The following RNF207 variants were observed in gnomAD, a reference collection of about 807,000 sequenced individuals.
The protein encoded by RNF207 is OTTHUMG00000001089.
RNF207 carries 72 observed loss-of-function variants against 79.0 expected under a neutral mutation model. That is an observed-to-expected ratio of 0.91 (90% CI 0.75 to 1.11). RNF207 has a LOEUF of 1.11. Among genes scored for constraint, RNF207 ranks in the 50% least tolerant of loss-of-function variants. RNF207 has a pLI of 0.00. For missense variants in RNF207, 936 were observed against 855.8 expected, an observed-to-expected ratio of 1.09 and a Z score of -1.17; for synonymous variants, 348 against 366.2, an observed-to-expected ratio of 0.95 and a Z score of 0.57.
Position 6,207,425 on chromosome 1 carries a change from C to T in RNF207, c.238C>T (p.Arg80Trp), listed in dbSNP as rs1404346042. ...TCCCAGCGGGCTCCCGCCGGTGGACCGGCTGCTGCAGTTCCTGGTGGACAG... is the reference window on the plus strand; with the variant it reads ...TCCCAGCGGGCTCCCGCCGGTGGACTGGCTGCTGCAGTTCCTGGTGGACAG... ...KGPSGLPPVD[R>W]LLQFLVDSSG... The change falls in exon 3 of 18, where the codon CGG becomes TGG. Residue 80 changes from arginine to tryptophan, a missense_variant. Physicochemically the swap from Arg to Trp is moderately radical, Grantham distance 101. Coordinates refer to ENST00000377939, the MANE Select transcript of RNF207 (RefSeq NM_207396.3). The surrounding 1 kb of genome is among the most constrained non-coding windows in gnomAD (Gnocchi z 4.5). 10 of 1,553,414 alleles carry T rather than the reference C, an allele frequency of 6.4e-6. No individual in the cohort carries two copies. Among genetic ancestry groups the T allele is most frequent in the South Asian group, 2.5e-5 (2 of 81,358 alleles).
chr1:6,212,297 C>T lies in RNF207; in HGVS notation c.1363C>T (p.His455Tyr). Residue 455 changes from histidine to tyrosine, a missense_variant, in exon 14 of 18, where the codon CAC becomes TAC. Physicochemically the swap from His to Tyr is moderately conservative, Grantham distance 83. Transcript: ENST00000377939. ...VQELHRDLTKHHSLIKAEIMG... is the reference protein window; with the variant it reads ...VQELHRDLTKYHSLIKAEIMG... ...GGAGCTGCACCGAGACCTCACCAAG[C>T]ACCACTCGCTCATCAAGGCGGAGAT... 1 of 1,614,008 alleles carries T rather than the reference C, an allele frequency of 6.2e-7. No homozygotes were observed. Among genetic ancestry groups the T allele is most frequent in the Non-Finnish European group, 8.5e-7 (1 of 1,179,972 alleles).
Position 6,219,489 on chromosome 1 carries a change from G to A in RNF207, c.*82G>A. 1.9e-6 allele frequency: 2 copies of A among 1,067,956 alleles called. No homozygotes were observed. The highest frequency in any genetic ancestry group is 4.1e-5 in the South Asian group (2 of 49,226). The allele number at this position is 1,067,956 out of a possible 1,614,324, so 66.2% of individuals were successfully genotyped here. A position where few individuals can be genotyped will look rare whatever the true frequency, so the allele number is the denominator to read the frequency against. The stretch of plus-strand genomic sequence containing the variant: ...TGGACAGAAGGTTGTTCCCATGATG[G>A]TTTTTTTTATTTTTTATTTTTGAGA... On this transcript the variant is annotated 3_prime_UTR_variant, in exon 18 of 18. Coordinates refer to ENST00000377939, the MANE Select transcript of RNF207 (RefSeq NM_207396.3).
At position 6,209,450 on chromosome 1, in the gene RNF207, A is replaced by G. The variant is rs376618138; in HGVS notation, c.664A>G (p.Ile222Val). The G allele has an allele frequency of 3.2e-5, 49 of 1,516,234 alleles. No individual in the cohort carries two copies. The African/African-American group carries it at 5.9e-4, about 18-fold the overall frequency. The allele number at this position is 1,516,234 out of a possible 1,614,324, so 93.9% of individuals were successfully genotyped here. A position where few individuals can be genotyped will look rare whatever the true frequency, so the allele number is the denominator to read the frequency against. The change falls in exon 7 of 18, where the codon ATC becomes GTC. Residue 222 changes from isoleucine to valine, a missense_variant. Physicochemically the swap from Ile to Val is conservative, Grantham distance 29. Coordinates refer to ENST00000377939, the MANE Select transcript of RNF207 (RefSeq NM_207396.3). ...KALQTATREA[I>V]ALLQAMVEEV... ...CCTGCAGACGGCCACGCGGGAGGCC[A>G]TCGCGCTGCTGCAGGCCATGGTGGA...
At chr1:6,216,836 G>A (rs1340810308) in intron 16 of RNF207, among the ~76,000 whole-genome samples, 1 of 151,818 alleles carries the variant, frequency 6.6e-6, no homozygotes, top group Non-Finnish European at 1.5e-5. Context: ...CCAAAGTGCT[G>A]GGATTACAGG....
Position 6,210,274 on chromosome 1 carries a change from C to T in RNF207, c.852C>T (p.Ala284=), listed in dbSNP as rs1668107154. 2.5e-6 allele frequency: 4 copies of T among 1,613,830 alleles called. 1 individual carries two copies. The East Asian group carries it at 6.7e-5, about 27-fold the overall frequency. ...TCAAGGAGCAGCTCTCTCACTTGGC[C>T]ACCTTGCTGCCCACCCTGCAGGTAC... ...KAFKEQLSHL[A]TLLPTLQVHL... Residue 284 remains alanine (A), a synonymous_variant, in exon 9 of 18, where the codon GCC becomes GCT. Coordinates refer to ENST00000377939, the MANE Select transcript of RNF207 (RefSeq NM_207396.3).
In RNF207 at chr1:6,207,280, A is replaced by C; in HGVS notation, c.192-99A>C. 7.7e-7 allele frequency: 1 copy of C among 1,300,114 alleles called. No individual in the cohort carries two copies. The highest frequency in any genetic ancestry group is 1.0e-6 in the Non-Finnish European group (1 of 957,478). The allele number at this position is 1,300,114 out of a possible 1,614,324, so 80.5% of individuals were successfully genotyped here. A position where few individuals can be genotyped will look rare whatever the true frequency, so the allele number is the denominator to read the frequency against. ...AGAGCTGTGGTGCACCCCACCTCCC[A>C]ACACAGCTATTTTTAGCTCCAGCCT... On this transcript the variant is annotated intron_variant, in intron 2 of 17. Coordinates refer to ENST00000377939, the MANE Select transcript of RNF207 (RefSeq NM_207396.3). The surrounding 1 kb of genome is among the most constrained non-coding windows in gnomAD (Gnocchi z 4.5).
intron 1 of RNF207, 61 bp from the exon 2 acceptor site, chr1:6,206,475 C>T (rs1667904544): frequency 7.6e-7 from 1 of 1,322,306 alleles, no homozygotes; most frequent in South Asian, 1.4e-5. Context: ...GCAGAGGGGC[C>T]GCGGGAGCTC....
chr1:6,219,465 G>A lies in RNF207; in HGVS notation c.*58G>A. On this transcript the variant is annotated 3_prime_UTR_variant, in exon 18 of 18. Coordinates refer to ENST00000377939, the MANE Select transcript of RNF207 (RefSeq NM_207396.3). ...AGAGCAGGCACAAGACTGGGACACT[G>A]GACAGAAGGTTGTTCCCATGATGGT... 7.9e-7 allele frequency: 1 copy of A among 1,258,546 alleles called. No individual in the cohort carries two copies. The highest frequency in any genetic ancestry group is 1.1e-6 in the Non-Finnish European group (1 of 906,306). The allele number at this position is 1,258,546 out of a possible 1,614,324, so 78.0% of individuals were successfully genotyped here. A position where few individuals can be genotyped will look rare whatever the true frequency, so the allele number is the denominator to read the frequency against.
intron 16 of RNF207, among the ~76,000 whole-genome samples, chr1:6,215,428 A>T (rs1396834130): frequency 6.6e-6 from 1 of 151,626 alleles, no homozygotes; most frequent in Non-Finnish European, 1.5e-5. Context: ...CATCCTCCCA[A>T]AATGCTGGGA....
rs1157743341 is a variant in RNF207 at position 6,207,713 on chromosome 1, G to C, written c.324+202G>C. ...GGTCCAGAACAAGGGACTTGAGCCA[G>C]TGTCCAGACAGTGGCAGAGGCTAAG... On this transcript the variant is annotated intron_variant, in intron 3 of 17. Transcript: ENST00000377939. This position sits in a 1 kb window ranked among gnomAD's most constrained non-coding sequence, Gnocchi z 4.5. The C allele has an allele frequency of 5.6e-6, 4 of 719,330 alleles. No homozygotes were observed. The highest frequency in any genetic ancestry group is 4.5e-5 in the South Asian group (3 of 67,014). The allele number at this position is 719,330 out of a possible 1,614,324, so 44.6% of individuals were successfully genotyped here. A position where few individuals can be genotyped will look rare whatever the true frequency, so the allele number is the denominator to read the frequency against.
chr1:6,209,766 TGACGG>T (rs1485372482), intron 7 of RNF207, among the ~76,000 whole-genome samples, 153 bp from the exon 8 acceptor site: 5 of 151,766 alleles, frequency 3.3e-5, no homozygotes, highest in African/African-American at 1.2e-4. Flanking sequence ...ACATTTAAGG[TGACGG>T]GACCCAAGCC....
chr1:6,208,712 A>C, intron 3 of RNF207, 169 bp from the exon 4 acceptor site: 1 of 639,830 alleles, frequency 1.6e-6, no homozygotes, highest in Non-Finnish European at 2.6e-6. Context: ...CCTCCTCTGT[A>C]AAGTGGGTAT....
At position 6,211,169 on chromosome 1, in the gene RNF207, G is replaced by C. The variant is rs1390317127; in HGVS notation, c.1109+51G>C. 2 of 1,274,528 alleles carry C rather than the reference G, an allele frequency of 1.6e-6. No homozygotes were observed. Among genetic ancestry groups the C allele is most frequent in the African/African-American group, 2.9e-5 (2 of 67,864 alleles). 79.0% of individuals were successfully genotyped at this position (1,274,528 alleles called of 1,614,324 possible). ...CACAAGGTCCCCAACACTGGGGTGT[G>C]GGGGAGGGTGGGCGCTGAGGGGCCA... On this transcript the variant is annotated intron_variant, in intron 12 of 17. Coordinates refer to ENST00000377939, the MANE Select transcript of RNF207 (RefSeq NM_207396.3). The surrounding 1 kb of genome is among the most constrained non-coding windows in gnomAD (Gnocchi z 4.2).
chr1:6,210,033 G>A (rs1406807617), intron 8 of RNF207, 63 bp downstream of exon 8: 4 of 1,495,540 alleles, frequency 2.7e-6, no homozygotes, highest in East Asian at 2.3e-5. Flanking sequence ...TCAGCTCAGA[G>A]CCTGGGCAGG....
rs78257181 is a variant in RNF207, at chr1:6,210,142, C to G, written c.801-81C>G. 3.1e-3 allele frequency: 4,237 copies of G among 1,386,780 alleles called. 122 individuals carry two copies. In the African/African-American group the frequency reaches 0.055, roughly 18 times the overall value. The allele number at this position is 1,386,780 out of a possible 1,614,324, so 85.9% of individuals were successfully genotyped here. Reference sequence around the variant, plus strand: ...GAGAAGGGGTTCAGGGACGGACATGCGAAGCTGGAGGCGGGTGGGGGATGG... The same window carrying G: ...GAGAAGGGGTTCAGGGACGGACATGGGAAGCTGGAGGCGGGTGGGGGATGG... On this transcript the variant is annotated intron_variant, in intron 8 of 17. Coordinates refer to ENST00000377939, the MANE Select transcript of RNF207 (RefSeq NM_207396.3).
At chr1:6,216,978 T>C (rs970027040) in intron 16 of RNF207, among the ~76,000 whole-genome samples, 1 of 151,836 alleles carries the variant, frequency 6.6e-6, no homozygotes, top group Non-Finnish European at 1.5e-5. Context: ...CAATCAATCC[T>C]CCCACCTCAG....
At position 6,217,945 on chromosome 1, in the gene RNF207, G is replaced by C. The variant is rs1385708846; in HGVS notation, c.1653-344G>C. The stretch of plus-strand genomic sequence containing the variant: ...TGCCTGGAGTATTCACAGACCCTCA[G>C]TCGGGCCCCAGCTTGGATGAGTGTC... On this transcript the variant is annotated intron_variant, in intron 16 of 17. Transcript: ENST00000377939. This position sits in a 1 kb window ranked among gnomAD's most constrained non-coding sequence, Gnocchi z 4.2. Among the ~76,000 whole-genome samples, 1 of 152,318 alleles carries C rather than the reference G, an allele frequency of 6.6e-6. No individual in the cohort carries two copies. The highest frequency in any genetic ancestry group is 1.9e-4 in the East Asian group (1 of 5,172).
intron 4 of RNF207, 38 bp downstream of exon 4, chr1:6,209,063 G>C (rs1668037403): frequency 7.4e-7 from 1 of 1,354,690 alleles, no homozygotes; most frequent in African/African-American, 1.4e-5. Context: ...TTGGGGGTGG[G>C]GGCGGGGCGG....
Position 6,206,257 on chromosome 1 carries a change from A to C in RNF207, c.-46A>C. 2.5e-6 allele frequency: 1 copy of C among 404,054 alleles called. No homozygotes were observed. The highest frequency in any genetic ancestry group is 4.4e-6 in the Non-Finnish European group (1 of 227,522). 25.0% of individuals were successfully genotyped at this position (404,054 alleles called of 1,614,324 possible). A position where few individuals can be genotyped will look rare whatever the true frequency, so the allele number is the denominator to read the frequency against. On this transcript the variant is annotated 5_prime_UTR_variant, in exon 1 of 18. Coordinates refer to ENST00000377939, the MANE Select transcript of RNF207 (RefSeq NM_207396.3). ...CGCACTAAGAGCGCTGGACGGCGGGAGAGAGGCTCGGAGGACCGGTAGCTC... is the reference window on the plus strand; with the variant it reads ...CGCACTAAGAGCGCTGGACGGCGGGCGAGAGGCTCGGAGGACCGGTAGCTC...
Sources: allele counts gnomAD v4.1 joint callset (sites outside exome capture counted in the v4.1 genomes callset), GRCh38; gene constraint gnomAD v4.1.1; non-coding constraint Gnocchi (gnomAD v3.1); transcripts MANE v1.5; gene names NCBI Gene and HGNC (gene_info 2026-07-23, HGNC 2026-07-21).